RASEF: variants seen among roughly 807,000 people sequenced by gnomAD.
RASEF encodes RAS and EF-hand domain containing.
A neutral mutation model predicts 90.1 loss-of-function variants in RASEF; 68 were observed. That is an observed-to-expected ratio of 0.75 (90% CI 0.62 to 0.92). RASEF has a LOEUF of 0.92. RASEF is among the 40% of genes least tolerant of loss of function. RASEF has a pLI of 0.00. For missense variants in RASEF, 949 were observed against 937.2 expected, an observed-to-expected ratio of 1.01 and a Z score of -0.16; for synonymous variants, 331 against 345.2, an observed-to-expected ratio of 0.96 and a Z score of 0.46.
chr9:83,020,783 G>A (rs764657468), intron 3 of RASEF, among the ~76,000 whole-genome samples: 3 of 152,180 alleles, frequency 2.0e-5, no homozygotes, highest in African/African-American at 4.8e-5. Flanking sequence ...AAGAAGCAAT[G>A]AGATATGATG....
the RASEF span, among the ~76,000 whole-genome samples, chr9:83,206,216 C>T: frequency 2.6e-5 from 4 of 152,112 alleles, no homozygotes; most frequent in African/African-American, 9.7e-5. Flanking sequence ...AAAGTGAATT[C>T]AAATAAGAAT....
chr9:83,139,259 C>T, the RASEF span, among the ~76,000 whole-genome samples: 8 of 152,266 alleles, frequency 5.3e-5, no homozygotes, highest in South Asian at 1.2e-3. Flanking sequence ...ACTGTTCTAG[C>T]ACACATTCTT....
the RASEF span, among the ~76,000 whole-genome samples, chr9:83,211,016 A>G: frequency 6.6e-6 from 1 of 152,250 alleles, no homozygotes; most frequent in Non-Finnish European, 1.5e-5. Flanking sequence ...ATAGCCAGCA[A>G]AAACAGGAAA....
chr9:83,075,070 T>A, the RASEF span, among the ~76,000 whole-genome samples: 1 of 152,202 alleles, frequency 6.6e-6, no homozygotes, highest in African/African-American at 2.4e-5. Flanking sequence ...TACAGAAGGA[T>A]CCTATGATCA....
intron 14 of RASEF, among the ~76,000 whole-genome samples, chr9:82,993,978 G>A (rs1828861644): frequency 6.6e-6 from 1 of 152,212 alleles, no homozygotes; most frequent in African/African-American, 2.4e-5. Context: ...CAAGTTTCTG[G>A]TTCCTAAATA....
chr9:83,164,373 A>ATATGTGTG, the RASEF span, among the ~76,000 whole-genome samples: 12 of 141,976 alleles, frequency 8.5e-5, no homozygotes, highest in African/African-American at 3.1e-4. Flanking sequence ...ATATATATAT[A>ATATGTGTG]TGTGTGTGTG....
At chr9:83,165,139 AC>A in the RASEF span, among the ~76,000 whole-genome samples, 1 of 152,070 alleles carries the variant, frequency 6.6e-6, no homozygotes, top group African/African-American at 2.4e-5. Flanking sequence ...CAACAACACC[AC>A]CATCAATTGA....
At chr9:83,172,327 G>C in the RASEF span, among the ~76,000 whole-genome samples, 3 of 151,482 alleles carry the variant, frequency 2.0e-5, no homozygotes, top group Non-Finnish European at 3.0e-5. Flanking sequence ...TTAAGAATTG[G>C]ACTACTCTAC....
chr9:83,090,838 T>C, the RASEF span, among the ~76,000 whole-genome samples: 1 of 152,158 alleles, frequency 6.6e-6, no homozygotes, highest in Non-Finnish European at 1.5e-5. Flanking sequence ...GTTTTTACTG[T>C]GTTCCTTATT....
chr9:83,089,907 TA>T, the RASEF span, among the ~76,000 whole-genome samples: 1,957 of 139,246 alleles, frequency 0.014, 16 homozygotes, highest in South Asian at 0.027. Context: ...GATAGATAGA[TA>T]GATAGATAGA....
the RASEF span, among the ~76,000 whole-genome samples, chr9:83,093,667 C>G: frequency 6.6e-6 from 1 of 152,188 alleles, no homozygotes; most frequent in Non-Finnish European, 1.5e-5. Flanking sequence ...CACGCAGCCC[C>G]GGTTCCCGCT....
At chr9:83,010,237 C>T (rs915991060) in intron 5 of RASEF, among the ~76,000 whole-genome samples, 2 of 152,106 alleles carry the variant, frequency 1.3e-5, no homozygotes, top group Non-Finnish European at 2.9e-5. Flanking sequence ...TTGAAAATTT[C>T]TGTATTTTCT....
the RASEF span, among the ~76,000 whole-genome samples, chr9:83,118,162 G>A: frequency 6.6e-6 from 1 of 152,100 alleles, no homozygotes; most frequent in Non-Finnish European, 1.5e-5. Flanking sequence ...ACATGTAAAT[G>A]AGAAGTTTAA....
intron 1 of RASEF, among the ~76,000 whole-genome samples, chr9:83,035,817 A>C (rs1381539669): frequency 6.6e-6 from 1 of 152,192 alleles, no homozygotes; most frequent in Non-Finnish European, 1.5e-5. Flanking sequence ...TTTAGGTGAC[A>C]TCTGTCACCT....
the RASEF span, among the ~76,000 whole-genome samples, chr9:83,120,279 G>A: frequency 6.6e-6 from 1 of 152,176 alleles, no homozygotes; most frequent in South Asian, 2.1e-4. Context: ...TTCCACAAAT[G>A]TTTGGTTTTT....
rs1829031723 is a variant in RASEF at position 83,001,141 on chromosome 9, A to AG, written c.1203-12dup. 6.3e-7 allele frequency: 1 copy of AG among 1,595,856 alleles called. No individual in the cohort carries two copies. The highest frequency in any genetic ancestry group is 1.7e-5 in the Admixed American group (1 of 59,818). Reference sequence around the variant, plus strand: ...GAAGAGCGGGATGACCTGGTAATAAAGGGGAAGACCAATTTACCTGAGGGC... The same window carrying AG: ...GAAGAGCGGGATGACCTGGTAATAAAGGGGGAAGACCAATTTACCTGAGGGC... On this transcript the variant is annotated splice_polypyrimidine_tract_variant and intron_variant, in intron 9 of 16. Transcript: ENST00000376447.
chr9:83,097,703 T>C, the RASEF span, among the ~76,000 whole-genome samples: 1 of 152,180 alleles, frequency 6.6e-6, no homozygotes, highest in Non-Finnish European at 1.5e-5. Context: ...CACAATGAGA[T>C]ACCATCTCAC....
chr9:83,106,265 TCTGTTTATTCTTTCACTGTCAAAAGAACA>T, the RASEF span, among the ~76,000 whole-genome samples: 2 of 152,338 alleles, frequency 1.3e-5, no homozygotes, highest in Admixed American at 6.5e-5. Context: ...CCCGTATCTC[TCTGTTTATTCTTTCACTGTCAAAAGAACA>T]CTGTTTATTC....
chr9:82,992,797 G>A (rs1189942574), intron 15 of RASEF, 109 bp downstream of exon 15: 6 of 1,160,102 alleles, frequency 5.2e-6, no homozygotes, highest in Non-Finnish European at 7.4e-6. Flanking sequence ...GACGGGGGAG[G>A]TTTGTCAAAG....
Sources: gnomAD v4.1 joint callset for allele counts (sites outside exome capture counted in the v4.1 genomes callset) on GRCh38, gnomAD v4.1.1 for gene constraint, MANE v1.5 for transcripts, NCBI Gene and HGNC (gene_info 2026-07-23, HGNC 2026-07-21) for gene names.